IRAK4: variants seen among roughly 807,000 people sequenced by gnomAD.
The protein encoded by IRAK4 is interleukin-1 receptor-associated kinase 4.
In IRAK4, 44 loss-of-function variants were observed where a neutral mutation model predicts 51.8. The observed-to-expected ratio is 0.85, with a 90% confidence interval of 0.67 to 1.09. The LOEUF (loss-of-function observed/expected upper bound fraction) is 1.09, where lower values mean the gene tolerates loss of function less well. IRAK4 is among the 50% of genes least tolerant of loss of function. The probability of loss-of-function intolerance (pLI) is 0.00; values close to 1 mark genes in which losing one functional copy is unlikely to be tolerated. For missense variants in IRAK4, 487 were observed against 538.0 expected (o/e 0.91, Z 0.94); for synonymous variants, 149 against 174.1 (o/e 0.86, Z 1.13).
In IRAK4 at chr12:43,768,135, A is replaced by G. The variant is rs1940362471; in HGVS notation, c.24A>G (p.Ser8=). ...AGATGAACAAACCCATAACACCATC[A>G]ACATATGTGCGCTGCCTCAATGTTG... MNKPITP[S]TYVRCLNVGL... Residue 8 remains serine, a synonymous_variant, in exon 2 of 12, where the codon TCA becomes TCG. Transcript: ENST00000613694. 2.5e-6 allele frequency: 4 copies of G among 1,613,764 alleles called. 1 individual carries two copies. The highest frequency in any genetic ancestry group is 1.7e-4 in the Middle Eastern group (1 of 6,056).
At chr12:43,760,023 C>T (rs4251424) in intron 1 of IRAK4, among the ~76,000 whole-genome samples, 2,379 of 152,312 alleles carry the variant, frequency 0.016, 70 homozygotes, top group African/African-American at 0.053. Flanking sequence ...TTTTCCCTTT[C>T]TTGGAGTGGT....
intron 1 of IRAK4, among the ~76,000 whole-genome samples, chr12:43,764,484 GT>G (rs1285686767): frequency 6.6e-6 from 1 of 152,208 alleles, no homozygotes; most frequent in Non-Finnish European, 1.5e-5. Flanking sequence ...AGACACTTTT[GT>G]AAGCGATAAC....
At position 43,773,049 on chromosome 12, in the gene IRAK4, G is replaced by A; in HGVS notation, c.628G>A (p.Val210Met). The change falls in exon 5 of 12, where the codon GTG becomes ATG. Residue 210 changes from valine (V) to methionine (M), a missense_variant. By Grantham distance (21) the Val-to-Met change is conservative. Transcript: ENST00000613694. ...TAAAGGCTACGTAAATAACACAACT[G>A]TGGCAGTGAAGAAGCTTGCAGCAGT... ...VYKGYVNNTTVAVKKLAAMVD... is the reference protein window; with the variant it reads ...VYKGYVNNTTMAVKKLAAMVD... The A allele has an allele frequency of 1.9e-6, 3 of 1,613,220 alleles. No homozygotes were observed. The highest frequency in any genetic ancestry group is 2.5e-6 in the Non-Finnish European group (3 of 1,179,424).
intron 4 of IRAK4, 51 bp from the exon 5 acceptor site, chr12:43,772,861 T>G (rs1029824581): frequency 7.6e-7 from 1 of 1,319,106 alleles, no homozygotes; most frequent in Admixed American, 2.0e-5. Context: ...ATATTATAAT[T>G]ATTAAAACGA....
intron 2 of IRAK4, among the ~76,000 whole-genome samples, chr12:43,769,006 G>A (rs548817658): frequency 2.6e-5 from 4 of 152,246 alleles, no homozygotes; most frequent in East Asian, 1.9e-4. Context: ...TAAGAAGAGC[G>A]AACATGTTAA....
chr12:43,784,686 C>T (rs1339254303), intron 10 of IRAK4, among the ~76,000 whole-genome samples: 1 of 152,198 alleles, frequency 6.6e-6, no homozygotes, highest in African/African-American at 2.4e-5. Flanking sequence ...TAAGCTGTAT[C>T]TCAGTCACAA....
intron 9 of IRAK4, among the ~76,000 whole-genome samples, chr12:43,783,332 TAGAG>T (rs1941940379): frequency 6.6e-6 from 1 of 152,018 alleles, no homozygotes; most frequent in Non-Finnish European, 1.5e-5. Context: ...ATATATTTTT[TAGAG>T]AGACAAGGTC....
At chr12:43,765,795 C>T (rs748984336) in intron 1 of IRAK4, among the ~76,000 whole-genome samples, 1 of 150,898 alleles carries the variant, frequency 6.6e-6, no homozygotes, top group African/African-American at 2.4e-5. Flanking sequence ...GGTATGAAGG[C>T]TCCTAGATAG....
chr12:43,777,344 A>C (rs1263490192), intron 6 of IRAK4, among the ~76,000 whole-genome samples: 3 of 152,168 alleles, frequency 2.0e-5, no homozygotes, highest in Non-Finnish European at 4.4e-5. Context: ...AGCTATGATT[A>C]CACCACTGCA....
chr12:43,767,801 T>C (rs2137896395), intron 1 of IRAK4, among the ~76,000 whole-genome samples: 1 of 152,300 alleles, frequency 6.6e-6, no homozygotes, highest in East Asian at 1.9e-4. Flanking sequence ...ATTTTTCTGG[T>C]AAGTTTTTTG....
In IRAK4 at chr12:43,786,851, G is replaced by A. The variant is rs1942255105; in HGVS notation, c.*136G>A. 3 of 734,162 alleles carry A rather than the reference G, an allele frequency of 4.1e-6. No homozygotes were observed. The highest frequency in any genetic ancestry group is 6.9e-6 in the Non-Finnish European group (3 of 432,248). The allele number at this position is 734,162 out of a possible 1,614,324, so 45.5% of individuals were successfully genotyped here. On this transcript the variant is annotated 3_prime_UTR_variant, in exon 12 of 12. Coordinates refer to ENST00000613694, the MANE Select transcript of IRAK4 (RefSeq NM_016123.4). ...TGCAGGACAGTGGTTATTAAAGCAT[G>A]GGTTGAACTTCCAAAATATAAAAAT...
rs772817746 is a variant in IRAK4 at position 43,771,289 on chromosome 12, A to C, written c.231A>C (p.Thr77=). 1.2e-6 allele frequency: 2 copies of C among 1,614,136 alleles called. No individual in the cohort carries two copies. The highest frequency in any genetic ancestry group is 1.7e-6 in the Non-Finnish European group (2 of 1,179,982). The part of the protein sequence containing the change: ...TSELLFDWGT[T]NCTVGDLVDL... ...AATTACTGTTTGACTGGGGCACCAC[A>C]AATTGCACAGTTGGTGATCTTGTGG... is the stretch of plus-strand genomic sequence containing the variant. The change falls in exon 3 of 12, where the codon ACA becomes ACC. Residue 77 remains threonine, a synonymous_variant. Transcript: ENST00000613694.
At chr12:43,777,801 T>A in intron 7 of IRAK4, 57 bp downstream of exon 7, 1 of 1,348,732 alleles carries the variant, frequency 7.4e-7, no homozygotes, top group Non-Finnish European at 1.1e-6. Context: ...GGAATATTAA[T>A]ATTCATTTTG....
In IRAK4 at chr12:43,783,644, T is replaced by A. The variant is rs144296954; in HGVS notation, c.1126-18T>A. ...CCTATCTTGTGTATTATATTAATGA[T>A]TTTTTTTGTCTTCATAGGTTTTACT... On this transcript the variant is annotated intron_variant, in intron 9 of 11. Transcript: ENST00000613694. The A allele has an allele frequency of 1.2e-4, 185 of 1,514,140 alleles. No individual in the cohort carries two copies. The East Asian group carries it at 4.1e-3, about 34-fold the overall frequency. The allele number at this position is 1,514,140 out of a possible 1,614,324, so 93.8% of individuals were successfully genotyped here.
At chr12:43,764,079 G>T (rs1264820341) in intron 1 of IRAK4, among the ~76,000 whole-genome samples, 1 of 151,986 alleles carries the variant, frequency 6.6e-6, no homozygotes, top group Non-Finnish European at 1.5e-5. Context: ...CTCTTAATTT[G>T]TATGAGGGCA....
chr12:43,771,201 T>C lies in IRAK4; in HGVS notation c.162-19T>C, dbSNP rs1592228318. ...TAAGACAATAGACTAATTTTGTTTCTTTGTTACTTACTTTTAAGGAGATTT... is the reference window on the plus strand; with the variant it reads ...TAAGACAATAGACTAATTTTGTTTCCTTGTTACTTACTTTTAAGGAGATTT... On this transcript the variant is annotated intron_variant, in intron 2 of 11. Transcript: ENST00000613694. The C allele has an allele frequency of 1.2e-6, 2 of 1,609,032 alleles. No homozygotes were observed. The highest frequency in any genetic ancestry group is 2.7e-5 in the African/African-American group (2 of 74,970).
intron 10 of IRAK4, among the ~76,000 whole-genome samples, chr12:43,784,240 CACA>C (rs1942024800): frequency 6.6e-6 from 1 of 152,102 alleles, no homozygotes; most frequent in Non-Finnish European, 1.5e-5. Context: ...GCTCTCACAC[CACA>C]ACAACAATCA....
rs1056445360 is a variant in IRAK4 at position 43,776,479 on chromosome 12, G to C, written c.717-1151G>C. On this transcript the variant is annotated intron_variant, in intron 6 of 11. Coordinates refer to ENST00000613694, the MANE Select transcript of IRAK4 (RefSeq NM_016123.4). ...TGAGACTAGAAGAAATTGATATAAT[G>C]AACTGCTAGAATTGTGGATCATTTT... 5.3e-5 allele frequency among the ~76,000 whole-genome samples: 8 copies of C among 152,290 alleles called. No homozygotes were observed. In the East Asian group the frequency reaches 1.5e-3, roughly 29 times the overall value.
At chr12:43,775,274 C>A (rs1267023247) in intron 6 of IRAK4, among the ~76,000 whole-genome samples, 17 of 152,098 alleles carry the variant, frequency 1.1e-4, no homozygotes. Flanking sequence ...AACTTGTTCA[C>A]AGTAGGTCAT....
Sources: gnomAD v4.1 joint callset for allele counts (sites outside exome capture counted in the v4.1 genomes callset) on GRCh38, gnomAD v4.1.1 for gene constraint, MANE v1.5 for transcripts, NCBI Gene and HGNC (gene_info 2026-07-23, HGNC 2026-07-21) for gene names.